Variants in CLSTN2 observed in about 807,000 individuals in gnomAD.
The protein encoded by CLSTN2 is calsyntenin-2.
In CLSTN2, 48 loss-of-function variants were observed where a neutral mutation model predicts 101.2. The observed-to-expected ratio is 0.47, with a 90% CI of 0.38 to 0.60. The LOEUF (loss-of-function observed/expected upper bound fraction) is 0.60. CLSTN2 is among the 20% of genes least tolerant of loss of function. CLSTN2 has a pLI of 0.00. For missense variants in CLSTN2, 1,160 were observed against 1,238.2 expected, an observed-to-expected ratio of 0.94 and a Z score of 0.95; for synonymous variants, 481 against 463.6, an observed-to-expected ratio of 1.04 and a Z score of -0.48.
At chr3:140,152,862 T>G (rs752083687) in intron 1 of CLSTN2, among the ~76,000 whole-genome samples, 6 of 152,210 alleles carry the variant, frequency 3.9e-5, no homozygotes, top group Non-Finnish European at 8.8e-5. Context: ...AAGACACAAA[T>G]GCTTCATAAT....
At chr3:140,306,440 C>G (rs1318394059) in intron 2 of CLSTN2, among the ~76,000 whole-genome samples, 1 of 152,156 alleles carries the variant, frequency 6.6e-6, no homozygotes, top group Non-Finnish European at 1.5e-5. Context: ...CAACTGATCC[C>G]AGCTACACTA....
intron 1 of CLSTN2, among the ~76,000 whole-genome samples, chr3:140,073,446 G>A (rs2008431143): frequency 6.6e-6 from 1 of 152,228 alleles, no homozygotes; most frequent in Non-Finnish European, 1.5e-5. Context: ...TGACTAATTT[G>A]GGACTTGAAG....
intron 1 of CLSTN2, among the ~76,000 whole-genome samples, chr3:139,958,468 C>A (rs967235851): frequency 6.6e-6 from 1 of 152,052 alleles, no homozygotes; most frequent in Non-Finnish European, 1.5e-5. Context: ...CATTTCTGTA[C>A]AAAAGACTGA....
chr3:139,947,163 C>T (rs1935227759), intron 1 of CLSTN2, among the ~76,000 whole-genome samples: 2 of 152,140 alleles, frequency 1.3e-5, no homozygotes, highest in Admixed American at 6.5e-5. Context: ...ATGGCTAACC[C>T]AAAGGAGTGA....
rs72986202 is a variant in CLSTN2 at position 140,164,174 on chromosome 3, C to T, written c.110-11777C>T. On this transcript the variant is annotated intron_variant, in intron 1 of 16. Transcript: ENST00000458420. Reference sequence around the variant, plus strand: ...CCCTTTTTCCTTGCCCCTTTTTATTCGAAATGATCTTTTTCTGCATGGCTC... The same window carrying T: ...CCCTTTTTCCTTGCCCCTTTTTATTTGAAATGATCTTTTTCTGCATGGCTC... Among the ~76,000 whole-genome samples the T allele has an allele frequency of 7.8e-3, 1,187 of 152,156 alleles. 8 individuals carry two copies. Among genetic ancestry groups the T allele is most frequent in the African/African-American group, 0.027 (1,121 of 41,526 alleles).
intron 1 of CLSTN2, among the ~76,000 whole-genome samples, chr3:139,975,709 G>A (rs1935804812): frequency 6.6e-6 from 1 of 152,166 alleles, no homozygotes; most frequent in Admixed American, 6.5e-5. Context: ...TCCAGGCCAG[G>A]CTGACACATA....
chr3:140,500,676 A>G (rs1934558847), intron 8 of CLSTN2, among the ~76,000 whole-genome samples: 1 of 152,170 alleles, frequency 6.6e-6, no homozygotes, highest in Non-Finnish European at 1.5e-5. Flanking sequence ...CCAGTCCCCC[A>G]ACCTCATAAG....
intron 1 of CLSTN2, among the ~76,000 whole-genome samples, chr3:139,981,923 C>A (rs1006005277): frequency 2.6e-5 from 4 of 152,224 alleles, no homozygotes; most frequent in Admixed American, 6.5e-5. Flanking sequence ...CACCCTGACC[C>A]CTCCCTCTCT....
At chr3:140,400,018 C>A (rs2088222952) in intron 2 of CLSTN2, among the ~76,000 whole-genome samples, 1 of 151,518 alleles carries the variant, frequency 6.6e-6, no homozygotes, top group African/African-American at 2.4e-5. Context: ...CCTCCACCAT[C>A]GTTTTCAGTG....
chr3:140,310,346 C>T (rs368450945), intron 2 of CLSTN2, among the ~76,000 whole-genome samples: 51 of 150,754 alleles, frequency 3.4e-4, no homozygotes, highest in African/African-American at 1.2e-3. Context: ...CGCACCTCTA[C>T]CCAGCACACT....
At chr3:140,276,788 A>G (rs1251638479) in intron 2 of CLSTN2, among the ~76,000 whole-genome samples, 1 of 152,202 alleles carries the variant, frequency 6.6e-6, no homozygotes, top group African/African-American at 2.4e-5. Context: ...ACGTGTATCA[A>G]AGGATGGGGG....
chr3:140,138,240 G>A (rs2009644373), intron 1 of CLSTN2, among the ~76,000 whole-genome samples: 1 of 152,302 alleles, frequency 6.6e-6, no homozygotes, highest in Admixed American at 6.5e-5. Flanking sequence ...CTCAGAAGAA[G>A]GACCAAGTAC....
chr3:140,267,601 T>G (rs1473143138), intron 2 of CLSTN2, among the ~76,000 whole-genome samples: 1 of 152,214 alleles, frequency 6.6e-6, no homozygotes, highest in Non-Finnish European at 1.5e-5. Context: ...TATAGTTATA[T>G]TCTCAGAGAC....
intron 1 of CLSTN2, among the ~76,000 whole-genome samples, chr3:140,090,965 C>T (rs939016005): frequency 6.6e-6 from 1 of 152,010 alleles, no homozygotes; most frequent in Non-Finnish European, 1.5e-5. Context: ...ATGTAGGTAG[C>T]CTGGTGATGG....
chr3:140,478,786 G>GAGGAAGGT (rs74828478), intron 8 of CLSTN2, among the ~76,000 whole-genome samples: 1 of 148,066 alleles, frequency 6.8e-6, no homozygotes, highest in African/African-American at 2.5e-5. Flanking sequence ...GGGAGGAAGG[G>GAGGAAGGT]AAGGGAAGGG....
At chr3:139,973,584 C>A (rs1415825967) in intron 1 of CLSTN2, among the ~76,000 whole-genome samples, 2 of 151,944 alleles carry the variant, frequency 1.3e-5, no homozygotes, top group Non-Finnish European at 2.9e-5. Context: ...TCTGACCCTG[C>A]CTGGCTGGGA....
chr3:140,005,210 G>A (rs563732895), intron 1 of CLSTN2, among the ~76,000 whole-genome samples: 17 of 152,258 alleles, frequency 1.1e-4, no homozygotes, highest in African/African-American at 3.6e-4. Flanking sequence ...TGAACCCTTG[G>A]CCACTAGTAT....
chr3:140,133,961 C>T (rs1186153059), intron 1 of CLSTN2, among the ~76,000 whole-genome samples: 1 of 152,114 alleles, frequency 6.6e-6, no homozygotes, highest in Non-Finnish European at 1.5e-5. Flanking sequence ...TCTTCCTTAC[C>T]TAAATAGCCA....
chr3:140,216,640 T>C (rs2010924793), intron 2 of CLSTN2, among the ~76,000 whole-genome samples: 1 of 152,274 alleles, frequency 6.6e-6, no homozygotes, highest in Middle Eastern at 3.4e-3. Flanking sequence ...AGGGAAAGCA[T>C]AGAGAAGAGA....
Sources: gnomAD v4.1 joint callset for allele counts (sites outside exome capture counted in the v4.1 genomes callset) on GRCh38, gnomAD v4.1.1 for gene constraint, MANE v1.5 for transcripts, NCBI Gene and HGNC (gene_info 2026-07-23, HGNC 2026-07-21) for gene names.